Variants in LRRC1 observed in about 807,000 individuals in gnomAD.
LRRC1 encodes the protein leucine rich repeat containing 1.
In LRRC1, 28 loss-of-function variants were observed where a neutral mutation model predicts 69.9. The observed-to-expected ratio is 0.40, with a 90% CI of 0.30 to 0.55. LRRC1 has a LOEUF of 0.55. Ranked by LOEUF, LRRC1 falls within the 20% of genes least tolerant of loss-of-function variation. The pLI is 0.47. For missense variants in LRRC1, 498 were observed against 609.0 expected (o/e 0.82, Z 1.92); for synonymous variants, 236 against 240.2 (o/e 0.98, Z 0.16).
Position 53,795,198 on chromosome 6 carries a change from G to A in LRRC1, c.-59G>A. On this transcript the variant is annotated 5_prime_UTR_variant, in exon 1 of 14. Coordinates refer to ENST00000370888, the MANE Select transcript of LRRC1 (RefSeq NM_018214.5). ...ACTGAGCGGAGCCGCCGGCCAGAGC[G>A]GGCTCGGAGCCCGGGTCTCCGCCGC... 2 of 1,485,000 alleles carry A rather than the reference G, an allele frequency of 1.3e-6. No homozygotes were observed. Among genetic ancestry groups the A allele is most frequent in the Admixed American group, 2.2e-5 (1 of 46,304 alleles). 92.0% of individuals were successfully genotyped at this position (1,485,000 alleles called of 1,614,324 possible).
intron 1 of LRRC1, among the ~76,000 whole-genome samples, chr6:53,811,826 C>T (rs146246613): frequency 1.3e-5 from 2 of 152,326 alleles, no homozygotes; most frequent in African/African-American, 2.4e-5. Flanking sequence ...CTTTTACATG[C>T]GAGGTACTAA....
intron 1 of LRRC1, among the ~76,000 whole-genome samples, chr6:53,826,760 T>G (rs1354177574): frequency 6.6e-6 from 1 of 152,150 alleles, no homozygotes; most frequent in Non-Finnish European, 1.5e-5. Flanking sequence ...TTAACACCAC[T>G]GATGTACTGT....
At chr6:53,809,633 T>C (rs1454497654) in intron 1 of LRRC1, among the ~76,000 whole-genome samples, 1 of 152,256 alleles carries the variant, frequency 6.6e-6, no homozygotes, top group African/African-American at 2.4e-5. Context: ...TTAAAAAGTT[T>C]ATATATTCTA....
chr6:53,879,700 CT>C (rs528784566), intron 3 of LRRC1, among the ~76,000 whole-genome samples: 163 of 145,992 alleles, frequency 1.1e-3, no homozygotes, highest in Admixed American at 9.6e-4. Flanking sequence ...GTGAGGATTT[CT>C]TTTTTTTTTT....
chr6:53,800,247 C>CTTTTTTTTTTTTTTTTTTTTTTTT, intron 1 of LRRC1, among the ~76,000 whole-genome samples: 1 of 89,552 alleles, frequency 1.1e-5, no homozygotes, highest in Non-Finnish European at 2.1e-5. Flanking sequence ...GTTTCTTTTT[C>CTTTTTTTTTTTTTTTTTTTTTTTT]TTTTTTTTTT....
At chr6:53,914,182 G>T (rs183578260) in intron 11 of LRRC1, among the ~76,000 whole-genome samples, 206 of 152,272 alleles carry the variant, frequency 1.4e-3, no homozygotes, top group Admixed American at 0.011. Context: ...CTGAGCATGG[G>T]TTAAAGTGTC....
intron 1 of LRRC1, among the ~76,000 whole-genome samples, chr6:53,812,876 G>T (rs556474308): frequency 6.6e-6 from 1 of 151,890 alleles, no homozygotes; most frequent in Non-Finnish European, 1.5e-5. Context: ...AATGGGAGGG[G>T]GAGCTAATGG....
At chr6:53,819,838 C>G (rs1184411871) in intron 1 of LRRC1, among the ~76,000 whole-genome samples, 1 of 152,166 alleles carries the variant, frequency 6.6e-6, no homozygotes, top group Non-Finnish European at 1.5e-5. Flanking sequence ...AACTGTCACT[C>G]CCCTCATCCT....
rs950280230 is a variant in LRRC1, at chr6:53,922,900, G to A, written c.*107G>A. ...TCCTTGTCCTAACCAGCCCCCGCGC[G>A]CCATCTTCCCGTGGAGTGTGGGGAA... is the stretch of plus-strand genomic sequence containing the variant. On this transcript the variant is annotated 3_prime_UTR_variant, in exon 14 of 14. Transcript: ENST00000370888. 115 of 1,091,250 alleles carry A rather than the reference G, an allele frequency of 1.1e-4. No homozygotes were observed. The highest frequency in any genetic ancestry group is 5.1e-4 in the African/African-American group (33 of 64,138). The allele number at this position is 1,091,250 out of a possible 1,614,324, so 67.6% of individuals were successfully genotyped here.
At chr6:53,814,483 G>A (rs968473580) in intron 1 of LRRC1, among the ~76,000 whole-genome samples, 1 of 152,150 alleles carries the variant, frequency 6.6e-6, no homozygotes, top group African/African-American at 2.4e-5. Flanking sequence ...TGATGGTTGA[G>A]GCAGACTAAG....
chr6:53,902,709 A>G lies in LRRC1; in HGVS notation c.868A>G (p.Ser290Gly). 6.2e-7 allele frequency: 1 copy of G among 1,613,296 alleles called. No individual in the cohort carries two copies. Among genetic ancestry groups the G allele is most frequent in the Non-Finnish European group, 8.5e-7 (1 of 1,179,522 alleles). The change falls in exon 9 of 14, where the codon AGT becomes GGT. Residue 290 changes from serine (S) to glycine (G), a missense_variant. By Grantham distance (56) the Ser-to-Gly change is moderately conservative. This residue lies in a region of LRRC1 where 266 missense variants were observed against 383.9 expected (regional missense o/e 0.69). Transcript: ENST00000370888. The stretch of plus-strand genomic sequence containing the variant: ...GCCTGAAGCAGTTGGGGAATGTGAA[A>G]GTCTCACTGAGTTAGTTCTTACAGA... Reference protein sequence around the residue: ...QLPEAVGECESLTELVLTENQ... With the variant: ...QLPEAVGECEGLTELVLTENQ...
At chr6:53,834,176 T>G (rs1319109494) in intron 1 of LRRC1, among the ~76,000 whole-genome samples, 1 of 152,220 alleles carries the variant, frequency 6.6e-6, no homozygotes, top group Non-Finnish European at 1.5e-5. Flanking sequence ...AGCCTTCCCT[T>G]GCCCAAGGCT....
At position 53,882,880 on chromosome 6, in the gene LRRC1, A is replaced by G. The variant is rs1479358542; in HGVS notation, c.357-7A>G. 1.3e-6 allele frequency: 2 copies of G among 1,590,404 alleles called. No homozygotes were observed. The highest frequency in any genetic ancestry group is 1.7e-6 in the Non-Finnish European group (2 of 1,164,074). Reference sequence around the variant, plus strand: ...TTACAGCGTTTTGTTTGTTTGTTTGATTTTAGGTTGCCAGAAAGCTTTCCT... The same window carrying G: ...TTACAGCGTTTTGTTTGTTTGTTTGGTTTTAGGTTGCCAGAAAGCTTTCCT... On this transcript the variant is annotated splice_region_variant and splice_polypyrimidine_tract_variant and intron_variant, in intron 3 of 13. Coordinates refer to ENST00000370888, the MANE Select transcript of LRRC1 (RefSeq NM_018214.5).
At chr6:53,798,240 G>A (rs1252277232) in intron 1 of LRRC1, among the ~76,000 whole-genome samples, 1 of 152,194 alleles carries the variant, frequency 6.6e-6, no homozygotes, top group Non-Finnish European at 1.5e-5. Context: ...TTGGGTGATA[G>A]CCTCACCATC....
chr6:53,913,033 T>C (rs1214214021), intron 10 of LRRC1, among the ~76,000 whole-genome samples: 1 of 152,226 alleles, frequency 6.6e-6, no homozygotes, highest in Non-Finnish European at 1.5e-5. Context: ...AAGAGAATCA[T>C]TGGATTTTTT....
intron 1 of LRRC1, among the ~76,000 whole-genome samples, chr6:53,805,586 A>G (rs1764614878): frequency 6.6e-6 from 1 of 152,198 alleles, no homozygotes; most frequent in South Asian, 2.1e-4. Flanking sequence ...TTGGATAGGT[A>G]ACTAGTCTTT....
At chr6:53,821,295 G>T (rs1220096302) in intron 1 of LRRC1, among the ~76,000 whole-genome samples, 1 of 152,074 alleles carries the variant, frequency 6.6e-6, no homozygotes, top group Non-Finnish European at 1.5e-5. Context: ...ACTTTTCTGG[G>T]TCCTAGCATA....
intron 9 of LRRC1, among the ~76,000 whole-genome samples, 154 bp downstream of exon 9, chr6:53,902,901 C>G (rs1562067813): frequency 6.6e-6 from 1 of 152,208 alleles, no homozygotes; most frequent in Non-Finnish European, 1.5e-5. Flanking sequence ...TTTTAACCTG[C>G]TTAAGCAAAG....
intron 2 of LRRC1, among the ~76,000 whole-genome samples, chr6:53,857,759 T>C (rs959735904): frequency 2.0e-5 from 3 of 152,180 alleles, no homozygotes; most frequent in Non-Finnish European, 4.4e-5. Flanking sequence ...ACAGCCCACA[T>C]TGCTTGTTGT....
Sources: allele counts gnomAD v4.1 joint callset (sites outside exome capture counted in the v4.1 genomes callset), GRCh38; gene constraint gnomAD v4.1.1; regional missense constraint gnomAD v4.1.1; transcripts MANE v1.5; gene names NCBI Gene and HGNC (gene_info 2026-07-23, HGNC 2026-07-21).